Variants in FAT3 observed in about 807,000 individuals in gnomAD.
The protein encoded by FAT3 is FAT atypical cadherin 3.
FAT3 carries 95 observed loss-of-function variants against 310.2 expected under a neutral mutation model. That is an observed-to-expected ratio of 0.31 (90% CI 0.26 to 0.36). FAT3 has a LOEUF of 0.36. Among genes scored for constraint, FAT3 ranks in the 10% least tolerant of loss-of-function variants. The pLI, the probability that FAT3 is intolerant of heterozygous loss-of-function variation, is 1.00. For missense variants in FAT3, 5,408 were observed against 5,715.6 expected, an observed-to-expected ratio of 0.95 and a Z score of 1.74; for synonymous variants, 2,314 against 2,192.9, an observed-to-expected ratio of 1.06 and a Z score of -1.54.
Position 92,242,287 on chromosome 11 carries a change from G to T in FAT3, c.-18+17113G>T, listed in dbSNP as rs140330310. On this transcript the variant is annotated intron_variant, in intron 1 of 27. Transcript: ENST00000525166. ...AAAGTGTCTTACCTGTCTACTGATGGTAAGGGACTCAGACATCTGATAAAG... is the reference window on the plus strand; with the variant it reads ...AAAGTGTCTTACCTGTCTACTGATGTTAAGGGACTCAGACATCTGATAAAG... Among the ~76,000 whole-genome samples, 338 of 152,160 alleles carry T rather than the reference G, an allele frequency of 2.2e-3. 4 individuals are homozygous for T. In the East Asian group the frequency reaches 0.034, roughly 15 times the overall value.
intron 2 of FAT3, among the ~76,000 whole-genome samples, chr11:92,517,844 T>TGCCCAAACAAAC (rs1953539697): frequency 1.3e-5 from 2 of 152,176 alleles, no homozygotes; most frequent in African/African-American, 4.8e-5. Context: ...AGAAGACATT[T>TGCCCAAACAAAC]ATATGGCAAA....
intron 1 of FAT3, among the ~76,000 whole-genome samples, chr11:92,335,357 G>A (rs1161198059): frequency 1.3e-5 from 2 of 152,116 alleles, no homozygotes; most frequent in African/African-American, 4.8e-5. Context: ...TTCTTGACAG[G>A]CAAGAGTTTT....
At chr11:92,565,759 G>T (rs1293163919) in intron 3 of FAT3, among the ~76,000 whole-genome samples, 1 of 151,908 alleles carries the variant, frequency 6.6e-6, no homozygotes, top group African/African-American at 2.4e-5. Context: ...ATGTAATCCA[G>T]CATATAAACA....
At chr11:92,586,688 C>T (rs928891507) in intron 3 of FAT3, among the ~76,000 whole-genome samples, 1 of 151,912 alleles carries the variant, frequency 6.6e-6, no homozygotes, top group African/African-American at 2.4e-5. Flanking sequence ...CCAAGGATTA[C>T]TAAACTCTAC....
At chr11:92,225,321 T>A (rs917195459) in intron 1 of FAT3, among the ~76,000 whole-genome samples, 147 bp downstream of exon 1, 5 of 152,012 alleles carry the variant, frequency 3.3e-5, no homozygotes, top group Non-Finnish European at 7.4e-5. Context: ...TGGGGGAAAC[T>A]TTTCACCTTG....
chr11:92,751,224 G>T (rs1451681992), intron 4 of FAT3, among the ~76,000 whole-genome samples: 2 of 152,196 alleles, frequency 1.3e-5, no homozygotes, highest in Non-Finnish European at 2.9e-5. Flanking sequence ...AAGCAGATTG[G>T]ATCCTACTAT....
chr11:92,247,432 T>G (rs1864962583), intron 1 of FAT3, among the ~76,000 whole-genome samples: 1 of 151,900 alleles, frequency 6.6e-6, no homozygotes, highest in Admixed American at 6.6e-5. Context: ...CTGAAGTAAT[T>G]CACCGCACGT....
At chr11:92,527,348 T>A (rs1291018422) in intron 3 of FAT3, among the ~76,000 whole-genome samples, 1 of 152,182 alleles carries the variant, frequency 6.6e-6, no homozygotes, top group Non-Finnish European at 1.5e-5. Context: ...ATAGGAGTCC[T>A]CACCAGAAAT....
chr11:92,427,479 C>T (rs1027018120), intron 2 of FAT3, among the ~76,000 whole-genome samples: 2 of 152,148 alleles, frequency 1.3e-5, no homozygotes, highest in African/African-American at 4.8e-5. Flanking sequence ...AGCTTTCGCC[C>T]ATTCAGTATG....
At chr11:92,293,512 T>TTATATATATATATATATATA (rs1195340265) in intron 1 of FAT3, among the ~76,000 whole-genome samples, 2 of 67,890 alleles carry the variant, frequency 2.9e-5, no homozygotes, top group Non-Finnish European at 5.4e-5. Context: ...GAACCTCAGA[T>TTATATATATATATATATATA]TATATATATA....
chr11:92,628,019 T>C (rs1941400790), intron 3 of FAT3, among the ~76,000 whole-genome samples: 1 of 152,182 alleles, frequency 6.6e-6, no homozygotes, highest in Non-Finnish European at 1.5e-5. Flanking sequence ...CCAGCCACCA[T>C]TTCCTCATTT....
Position 92,797,385 on chromosome 11 carries a change from CACA to C in FAT3, c.4823-448_4823-446del, listed in dbSNP as rs1429251217. Reference sequence around the variant, plus strand: ...CTTTATAATGCTCTGAAACTATTCCCACAACCCTCTTTCTTTAAACCTAGAACA... The same window carrying C: ...CTTTATAATGCTCTGAAACTATTCCCACCCTCTTTCTTTAAACCTAGAACA... On this transcript the variant is annotated intron_variant, in intron 9 of 27. Transcript: ENST00000525166. Among the ~76,000 whole-genome samples the C allele has an allele frequency of 2.0e-5, 3 of 152,174 alleles. No individual in the cohort carries two copies. The East Asian group carries it at 5.8e-4, about 29-fold the overall frequency.
chr11:92,534,921 G>A (rs1954203265), intron 3 of FAT3, among the ~76,000 whole-genome samples: 1 of 152,180 alleles, frequency 6.6e-6, no homozygotes, highest in African/African-American at 2.4e-5. Context: ...AAAATGGACA[G>A]TTGTGTAGAA....
chr11:92,869,149 G>A (rs560074130), intron 22 of FAT3, among the ~76,000 whole-genome samples: 1 of 152,246 alleles, frequency 6.6e-6, no homozygotes, highest in African/African-American at 2.4e-5. Context: ...TGTCTGGGGG[G>A]ACTTACGTTT....
chr11:92,633,763 T>C (rs527646556), intron 3 of FAT3, among the ~76,000 whole-genome samples: 5 of 152,278 alleles, frequency 3.3e-5, no homozygotes, highest in African/African-American at 9.6e-5. Context: ...TCAACCCCCT[T>C]TACAATGATG....
At chr11:92,585,995 G>A (rs1349561865) in intron 3 of FAT3, among the ~76,000 whole-genome samples, 1 of 151,922 alleles carries the variant, frequency 6.6e-6, no homozygotes, top group Non-Finnish European at 1.5e-5. Context: ...GTCTGAGCTG[G>A]AGGAAGGAAG....
chr11:92,693,235 T>C (rs554910535), intron 3 of FAT3, among the ~76,000 whole-genome samples: 120 of 152,350 alleles, frequency 7.9e-4, no homozygotes, highest in African/African-American at 2.8e-3. Context: ...TATGTAATTA[T>C]ATCAAATGAT....
chr11:92,236,292 A>G (rs980414898), intron 1 of FAT3, among the ~76,000 whole-genome samples: 2 of 152,166 alleles, frequency 1.3e-5, no homozygotes, highest in African/African-American at 2.4e-5. Flanking sequence ...GTACATAATA[A>G]TGCTTGTCTA....
intron 19 of FAT3, among the ~76,000 whole-genome samples, chr11:92,845,036 G>A (rs1467766093): frequency 1.3e-5 from 2 of 152,212 alleles, no homozygotes; most frequent in South Asian, 2.1e-4. Flanking sequence ...TATCCTCTAG[G>A]TAGAGATAAG....
Sources: gnomAD v4.1 joint callset for allele counts (sites outside exome capture counted in the v4.1 genomes callset) on GRCh38, gnomAD v4.1.1 for gene constraint, MANE v1.5 for transcripts, NCBI Gene and HGNC (gene_info 2026-07-23, HGNC 2026-07-21) for gene names.